QRFPR: variants seen among roughly 807,000 people sequenced by gnomAD.
QRFPR encodes pyroglutamylated RFamide peptide receptor, also known as pyroglutamylated RF-amide peptide receptor.
In QRFPR, 37 loss-of-function variants were observed where a neutral mutation model predicts 31.3. That is an observed-to-expected ratio of 1.18 (90% CI 0.91 to 1.56). QRFPR has a LOEUF of 1.56. Among genes scored for constraint, QRFPR ranks in the 40% most tolerant of loss-of-function variants. The probability of loss-of-function intolerance (pLI) is 0.00; values close to 1 mark genes in which losing one functional copy is unlikely to be tolerated. For missense variants in QRFPR, 542 were observed against 532.5 expected, an observed-to-expected ratio of 1.02 and a Z score of -0.18; for synonymous variants, 197 against 192.0, an observed-to-expected ratio of 1.03 and a Z score of -0.22.
At chr4:121,360,706 T>A (rs962215125) in intron 1 of QRFPR, among the ~76,000 whole-genome samples, 7 of 152,222 alleles carry the variant, frequency 4.6e-5, no homozygotes, top group Non-Finnish European at 8.8e-5. Context: ...AACTCTTACT[T>A]TGAAATTCAC....
intron 1 of QRFPR, among the ~76,000 whole-genome samples, chr4:121,342,744 G>A (rs1195081152): frequency 6.6e-6 from 1 of 151,990 alleles, no homozygotes; most frequent in Non-Finnish European, 1.5e-5. Flanking sequence ...TTTAAGAATG[G>A]CAATACGTTA....
intron 1 of QRFPR, among the ~76,000 whole-genome samples, chr4:121,367,862 C>T (rs1726156905): frequency 7.6e-6 from 1 of 131,950 alleles, no homozygotes; most frequent in Non-Finnish European, 1.6e-5. Flanking sequence ...ATTATCTTTG[C>T]CAACCTACAA....
intron 1 of QRFPR, among the ~76,000 whole-genome samples, chr4:121,351,804 T>G (rs1221968815): frequency 6.6e-6 from 1 of 151,616 alleles, no homozygotes; most frequent in African/African-American, 2.4e-5. Flanking sequence ...TACTCAGTTG[T>G]TCACCAAAGA....
chr4:121,345,686 A>C (rs1725631459), intron 1 of QRFPR, among the ~76,000 whole-genome samples: 1 of 152,148 alleles, frequency 6.6e-6, no homozygotes, highest in Non-Finnish European at 1.5e-5. Flanking sequence ...CTTTGGTTTA[A>C]TATCTACTGC....
chr4:121,348,162 C>T (rs997823988), intron 1 of QRFPR, among the ~76,000 whole-genome samples: 2 of 152,010 alleles, frequency 1.3e-5, no homozygotes. Flanking sequence ...TAACTGTGAC[C>T]TAAGGCAAAT....
chr4:121,351,212 T>C (rs767903077), intron 1 of QRFPR, among the ~76,000 whole-genome samples: 1 of 152,200 alleles, frequency 6.6e-6, no homozygotes, highest in Non-Finnish European at 1.5e-5. Context: ...AGCTGTCCCC[T>C]GGAAAACTTT....
At chr4:121,351,191 G>A (rs1427466659) in intron 1 of QRFPR, among the ~76,000 whole-genome samples, 1 of 152,200 alleles carries the variant, frequency 6.6e-6, no homozygotes, top group Non-Finnish European at 1.5e-5. Context: ...GCTGCTCCGT[G>A]TACAGGTAGG....
At chr4:121,380,188 A>AGAGAGAGAGAGAGG in intron 1 of QRFPR, 120 bp downstream of exon 1, 3 of 94,460 alleles carry the variant, frequency 3.2e-5, no homozygotes, top group Admixed American at 1.7e-4. Flanking sequence ...ACGAGAGAGG[A>AGAGAGAGAGAGAGG]GAGAGAGAGA....
chr4:121,345,309 G>A (rs1305572008), intron 1 of QRFPR, among the ~76,000 whole-genome samples: 1 of 152,206 alleles, frequency 6.6e-6, no homozygotes, highest in Non-Finnish European at 1.5e-5. Context: ...TGACCTCTGA[G>A]CTCCCTTGGT....
chr4:121,352,826 T>A (rs1042594493), intron 1 of QRFPR, among the ~76,000 whole-genome samples: 1 of 152,070 alleles, frequency 6.6e-6, no homozygotes, highest in Non-Finnish European at 1.5e-5. Flanking sequence ...TTATTCATTC[T>A]ATTTGTGTTT....
rs998952519 is a variant in QRFPR at position 121,362,194 on chromosome 4, T to A, written c.340+18114A>T. ...TTTCTTAAGGTTTTTTAATGAAAGA[T>A]AAGGAAATCCCATTCTCACAGAGTC... On this transcript the variant is annotated intron_variant, in intron 1 of 5. Coordinates refer to ENST00000394427, the MANE Select transcript of QRFPR (RefSeq NM_198179.3). 3.3e-5 allele frequency among the ~76,000 whole-genome samples: 5 copies of A among 150,246 alleles called. 1 individual carries two copies. The highest frequency in any genetic ancestry group is 9.9e-5 in the African/African-American group (4 of 40,606).
chr4:121,361,722 G>C (rs1725996402), intron 1 of QRFPR, among the ~76,000 whole-genome samples: 1 of 150,262 alleles, frequency 6.7e-6, no homozygotes, highest in Non-Finnish European at 1.5e-5. Flanking sequence ...ACAATAGATT[G>C]AAGAATTCCT....
At chr4:121,360,714 C>T (rs1411838673) in intron 1 of QRFPR, among the ~76,000 whole-genome samples, 1 of 152,184 alleles carries the variant, frequency 6.6e-6, no homozygotes, top group Non-Finnish European at 1.5e-5. Context: ...CTTTGAAATT[C>T]ACTGCCTCAG....
At chr4:121,378,106 C>A (rs1579595102) in intron 1 of QRFPR, among the ~76,000 whole-genome samples, 1 of 152,226 alleles carries the variant, frequency 6.6e-6, no homozygotes, top group East Asian at 1.9e-4. Context: ...ATTAAACACC[C>A]CTTAATAGAA....
At chr4:121,332,510 G>T (rs1725345741) in intron 4 of QRFPR, among the ~76,000 whole-genome samples, 1 of 152,120 alleles carries the variant, frequency 6.6e-6, no homozygotes, top group Non-Finnish European at 1.5e-5. Context: ...GTGATAGAGA[G>T]AGTACCCATA....
At chr4:121,356,792 G>A (rs1725879238) in intron 1 of QRFPR, among the ~76,000 whole-genome samples, 1 of 152,036 alleles carries the variant, frequency 6.6e-6, no homozygotes. Context: ...CTGGAACTAG[G>A]GGAGAAGTGA....
chr4:121,357,979 T>C (rs182532533), intron 1 of QRFPR, among the ~76,000 whole-genome samples: 106 of 152,296 alleles, frequency 7.0e-4, no homozygotes, highest in African/African-American at 2.4e-3. Context: ...GCTCTTTAAA[T>C]ACAGGCTGTG....
At chr4:121,356,470 A>C (rs1396726565) in intron 1 of QRFPR, among the ~76,000 whole-genome samples, 1 of 152,132 alleles carries the variant, frequency 6.6e-6, no homozygotes, top group Admixed American at 6.6e-5. Context: ...GTTTGTGAAC[A>C]TTTGTCAATC....
intron 1 of QRFPR, among the ~76,000 whole-genome samples, chr4:121,347,236 A>G (rs1725670725): frequency 6.6e-6 from 1 of 152,170 alleles, no homozygotes; most frequent in Non-Finnish European, 1.5e-5. Flanking sequence ...AAGAATTATG[A>G]GCATGTGGTT....
Sources: gnomAD v4.1 joint callset for allele counts (sites outside exome capture counted in the v4.1 genomes callset) on GRCh38, gnomAD v4.1.1 for gene constraint, MANE v1.5 for transcripts, NCBI Gene and HGNC (gene_info 2026-07-23, HGNC 2026-07-21) for gene names.